The following ZNF571 variants were observed in gnomAD, a reference collection of about 807,000 sequenced individuals.
ZNF571 encodes the protein zinc finger protein 571.
Under a neutral mutation model 7.7 loss-of-function variants are expected in ZNF571, and 4 were observed. That is an observed-to-expected ratio of 0.52 (90% CI 0.25 to 1.18). The LOEUF (loss-of-function observed/expected upper bound fraction) is 1.18, where lower values mean the gene tolerates loss of function less well. ZNF571 is among the 50% of genes most tolerant of loss of function. The probability of loss-of-function intolerance (pLI) is 0.14; values close to 1 mark genes in which losing one functional copy is unlikely to be tolerated. For missense variants in ZNF571, 704 were observed against 726.9 expected (o/e 0.97, Z 0.36); for synonymous variants, 251 against 232.4 (o/e 1.08, Z -0.73).
chr19:37,584,859 G>A (rs1478660346), intron 2 of ZNF571, among the ~76,000 whole-genome samples: 1 of 151,736 alleles, frequency 6.6e-6, no homozygotes, highest in Non-Finnish European at 1.5e-5. Context: ...AGCTACTCGG[G>A]AGGCTGAGGC....
intron 3 of ZNF571, among the ~76,000 whole-genome samples, chr19:37,580,368 G>T (rs991731783): frequency 3.9e-5 from 6 of 152,170 alleles, no homozygotes; most frequent in African/African-American, 1.4e-4. Context: ...CATATTTTCA[G>T]GTTATACACT....
At chr19:37,574,821 A>G (rs898803673) in intron 3 of ZNF571, among the ~76,000 whole-genome samples, 4 of 152,164 alleles carry the variant, frequency 2.6e-5, no homozygotes, top group Non-Finnish European at 4.4e-5. Context: ...TAGCTATCTA[A>G]TTTCCCAGAG....
chr19:37,579,750 G>A (rs1262883014), intron 3 of ZNF571, among the ~76,000 whole-genome samples: 1 of 152,134 alleles, frequency 6.6e-6, no homozygotes, highest in East Asian at 1.9e-4. Flanking sequence ...ATTAATTGCA[G>A]CTGTGCTTTT....
chr19:37,592,792 A>G lies in ZNF571; in HGVS notation c.-70+1949T>C, dbSNP rs1353567807. Among the ~76,000 whole-genome samples, 3 of 152,376 alleles carry G rather than the reference A, an allele frequency of 2.0e-5. No individual in the cohort carries two copies. The East Asian group carries it at 5.8e-4, about 29-fold the overall frequency. ...AATATGAAGGAACGGAAAACAAATT[A>G]TAAGACAGTACAAAGAAGCAATTAG... On this transcript the variant is annotated intron_variant, in intron 1 of 3. Transcript: ENST00000451802.
At position 37,564,296 on chromosome 19, in the gene ZNF571, A is replaced by T; in HGVS notation, c.*302T>A. ...ATATGTATTTAATTATAATTTAGTC[A>T]TTGTAATACAATTACAGTATTTTAC... On this transcript the variant is annotated 3_prime_UTR_variant, in exon 4 of 4. Transcript: ENST00000451802. The T allele has an allele frequency of 8.8e-6, 2 of 226,484 alleles. No individual in the cohort carries two copies. The highest frequency in any genetic ancestry group is 1.7e-5 in the Non-Finnish European group (2 of 118,074). The allele number at this position is 226,484 out of a possible 1,614,324, so 14.0% of individuals were successfully genotyped here. A position where few individuals can be genotyped will look rare whatever the true frequency, so the allele number is the denominator to read the frequency against.
chr19:37,566,120 T>A lies in ZNF571; in HGVS notation c.308A>T (p.Gln103Leu). The A allele has an allele frequency of 6.2e-7, 1 of 1,614,090 alleles. No homozygotes were observed. The highest frequency in any genetic ancestry group is 8.5e-7 in the Non-Finnish European group (1 of 1,179,942). The change falls in exon 4 of 4, where the codon CAG becomes CTG. Residue 103 changes from glutamine to leucine, a missense_variant. Gln to Leu is a moderately radical substitution (Grantham distance 113). Transcript: ENST00000451802. ...TTTGACACACATGTAAAGCCCTTCC[T>A]GACTTGCTTCTTGACCCTCTAAGTT... ...KGNLEGQEAS[Q>L]EGLYMCVKIT...
At chr19:37,586,782 C>T (rs928825302) in intron 1 of ZNF571, 37 bp from the exon 2 acceptor site, 3 of 1,219,014 alleles carry the variant, frequency 2.5e-6, no homozygotes, top group African/African-American at 3.1e-5. Flanking sequence ...TTAGACTTGG[C>T]TCACAGCCCA....
intron 1 of ZNF571, chr19:37,587,069 C>T (rs1239226415): frequency 1.1e-5 from 2 of 189,580 alleles, no homozygotes; most frequent in Admixed American, 1.2e-4. Context: ...TAGGAAGGGG[C>T]TTCAGAGACC....
intron 3 of ZNF571, 26 bp downstream of exon 3, chr19:37,583,945 C>G (rs777368278): frequency 6.4e-7 from 1 of 1,567,836 alleles, no homozygotes; most frequent in Non-Finnish European, 8.7e-7. Context: ...GGAACAAATT[C>G]TGAATATTAC....
At chr19:37,580,934 T>C (rs2043434786) in intron 3 of ZNF571, among the ~76,000 whole-genome samples, 1 of 152,202 alleles carries the variant, frequency 6.6e-6, no homozygotes, top group African/African-American at 2.4e-5. Flanking sequence ...AAGACACCTA[T>C]TACACTTGAA....
chr19:37,579,282 G>T (rs2043359746), intron 3 of ZNF571, among the ~76,000 whole-genome samples: 1 of 152,206 alleles, frequency 6.6e-6, no homozygotes, highest in Non-Finnish European at 1.5e-5. Context: ...CAGTGGGCCA[G>T]CTAGGGGCCT....
In ZNF571 at chr19:37,564,945, T is replaced by A; in HGVS notation, c.1483A>T (p.Ile495Phe). The A allele has an allele frequency of 6.2e-7, 1 of 1,613,954 alleles. No individual in the cohort carries two copies. The highest frequency in any genetic ancestry group is 1.1e-5 in the South Asian group (1 of 91,064). The change falls in exon 4 of 4, where the codon ATT (isoleucine) becomes TTT (phenylalanine). Residue 495 changes from isoleucine to phenylalanine, a missense_variant. Ile to Phe is a conservative substitution (Grantham distance 21, BLOSUM62 0). Coordinates refer to ENST00000451802, the MANE Select transcript of ZNF571 (RefSeq NM_016536.5). ...TTGTAGGGCTTTTCACCTGTATGAA[T>A]TCTTTGATGATATGTAAGTTGTGTA... ...RATQLTYHQR[I>F]HTGEKPYKCK...
intron 3 of ZNF571, among the ~76,000 whole-genome samples, chr19:37,582,394 TC>T (rs2043502148): frequency 6.6e-6 from 1 of 152,198 alleles, no homozygotes; most frequent in Non-Finnish European, 1.5e-5. Context: ...CATTCCCTCT[TC>T]CTAGGTCACA....
At chr19:37,570,548 C>A (rs1049604344) in intron 3 of ZNF571, among the ~76,000 whole-genome samples, 1 of 152,144 alleles carries the variant, frequency 6.6e-6, no homozygotes, top group African/African-American at 2.4e-5. Context: ...CATCATAGAA[C>A]TAATTGTATT....
intron 3 of ZNF571, among the ~76,000 whole-genome samples, chr19:37,580,256 C>A (rs372877980): frequency 9.8e-5 from 15 of 152,346 alleles, no homozygotes; most frequent in East Asian, 9.6e-4. Context: ...AACTCATCAG[C>A]AGACATCAAT....
intron 3 of ZNF571, among the ~76,000 whole-genome samples, chr19:37,573,819 C>T (rs1444830378): frequency 2.7e-5 from 4 of 147,214 alleles, no homozygotes; most frequent in African/African-American, 5.0e-5. Flanking sequence ...CGCAACAGAA[C>T]GAGATCCTGT....
intron 3 of ZNF571, among the ~76,000 whole-genome samples, chr19:37,582,817 T>G (rs1184594741): frequency 1.3e-5 from 2 of 152,214 alleles, no homozygotes; most frequent in African/African-American, 2.4e-5. Context: ...CACTGTTATC[T>G]CTAGTGTGAA....
At chr19:37,574,943 G>A (rs542739919) in intron 3 of ZNF571, among the ~76,000 whole-genome samples, 2 of 152,238 alleles carry the variant, frequency 1.3e-5, no homozygotes, top group African/African-American at 2.4e-5. Context: ...TCCTGAAGAC[G>A]TTCAAACTCT....
rs199841100 is a variant in ZNF571, at chr19:37,564,499, A to C, written c.*99T>G. 23 of 1,175,062 alleles carry C rather than the reference A, an allele frequency of 2.0e-5. No homozygotes were observed. Among genetic ancestry groups the C allele is most frequent in the Non-Finnish European group, 2.4e-5 (21 of 881,132 alleles). 72.8% of individuals were successfully genotyped at this position (1,175,062 alleles called of 1,614,324 possible). ...CATCCATGTTAATGTAGGCCTTCTA[A>C]GAATGAGCAGATTCTGAGCAGAAGC... On this transcript the variant is annotated 3_prime_UTR_variant, in exon 4 of 4. Coordinates refer to ENST00000451802, the MANE Select transcript of ZNF571 (RefSeq NM_016536.5).
Sources: gnomAD v4.1 joint callset for allele counts (sites outside exome capture counted in the v4.1 genomes callset) on GRCh38, gnomAD v4.1.1 for gene constraint, MANE v1.5 for transcripts, NCBI Gene and HGNC (gene_info 2026-07-23, HGNC 2026-07-21) for gene names.